Variants in FOCAD observed in about 807,000 individuals in gnomAD.
The protein encoded by FOCAD is KIAA1797.
FOCAD carries 198 observed loss-of-function variants against 225.6 expected under a neutral mutation model. That is an observed-to-expected ratio of 0.88 (90% CI 0.78 to 0.99). The LOEUF (loss-of-function observed/expected upper bound fraction) is 0.99, where lower values mean the gene tolerates loss of function less well. FOCAD is among the 50% of genes least tolerant of loss of function. FOCAD has a pLI of 0.00. For synonymous variants in FOCAD, 897 were observed against 755.0 expected (o/e 1.19, Z -3.08); for missense variants, 2,713 against 2,123.6 (o/e 1.28, Z -5.46).
At chr9:20,845,442 G>GATATATATATATATATATATATATATAT (rs3086547) in intron 15 of FOCAD, among the ~76,000 whole-genome samples, 53 of 121,230 alleles carry the variant, frequency 4.4e-4, no homozygotes, top group South Asian at 5.5e-4. Context: ...TCTTTTCCTC[G>GATATATATATATATATATATATATATAT]ATATATATAT....
Position 20,789,595 on chromosome 9 carries a change from C to G in FOCAD, c.1442C>G (p.Ala481Gly), listed in dbSNP as rs776996995. 6.2e-7 allele frequency: 1 copy of G among 1,613,786 alleles called. No homozygotes were observed. Among genetic ancestry groups the G allele is most frequent in the South Asian group, 1.1e-5 (1 of 91,056 alleles). ...AAGGTCACTACAGAATTAGCCCAAG[C>G]AGATTCCTCCCAGGTAAAGCAAGAG... The part of the protein sequence containing the change: ...ILKVTTELAQ[A>G]DSSQVPNLIP... Residue 481 changes from alanine (A) to glycine (G), a missense_variant, in exon 11 of 44, where the codon GCA becomes GGA. Coordinates refer to ENST00000338382, the MANE Select transcript of FOCAD (RefSeq NM_001375567.1).
chr9:20,977,461 A>T (rs759400196), intron 36 of FOCAD, among the ~76,000 whole-genome samples: 1 of 152,226 alleles, frequency 6.6e-6, no homozygotes, highest in Non-Finnish European at 1.5e-5. Flanking sequence ...AACCTATTTT[A>T]TACAGAATAG....
Position 20,789,598 on chromosome 9 carries a change from A to T in FOCAD, c.1445A>T (p.Asp482Val), listed in dbSNP as rs759663478. ...GTCACTACAGAATTAGCCCAAGCAGATTCCTCCCAGGTAAAGCAAGAGAAT... is the reference window on the plus strand; with the variant it reads ...GTCACTACAGAATTAGCCCAAGCAGTTTCCTCCCAGGTAAAGCAAGAGAAT... ...LKVTTELAQADSSQVPNLIPV... is the reference protein window; with the variant it reads ...LKVTTELAQAVSSQVPNLIPV... Residue 482 changes from aspartate (D) to valine (V), a missense_variant, in exon 11 of 44, where the codon GAT becomes GTT. By Grantham distance (152) the Asp-to-Val change is radical. Transcript: ENST00000338382. 1.2e-6 allele frequency: 2 copies of T among 1,613,918 alleles called. No homozygotes were observed. Among genetic ancestry groups the T allele is most frequent in the Non-Finnish European group, 8.5e-7 (1 of 1,179,870 alleles).
At chr9:20,943,203 A>G (rs1052479542) in intron 28 of FOCAD, among the ~76,000 whole-genome samples, 8 of 152,210 alleles carry the variant, frequency 5.3e-5, no homozygotes, top group African/African-American at 1.4e-4. Context: ...TTAGATGTTG[A>G]TTTAACTGGT....
chr9:20,782,332 G>T (rs1819465308), intron 10 of FOCAD, among the ~76,000 whole-genome samples: 4 of 152,164 alleles, frequency 2.6e-5, no homozygotes, highest in Admixed American at 2.6e-4. Context: ...ATGCCTGGAA[G>T]TTCTCATATC....
intron 39 of FOCAD, 22 bp from the exon 40 acceptor site, chr9:20,986,266 A>ATTTTTGTTTTTT: frequency 1.4e-6 from 1 of 705,686 alleles, no homozygotes; most frequent in Non-Finnish European, 1.8e-6. Context: ...TAACTAAACA[A>ATTTTTGTTTTTT]TTTTTTTTTT....
At chr9:20,746,761 A>C (rs941069628) in intron 5 of FOCAD, among the ~76,000 whole-genome samples, 2 of 152,220 alleles carry the variant, frequency 1.3e-5, no homozygotes, top group Non-Finnish European at 2.9e-5. Flanking sequence ...TGTTGTCTCA[A>C]TAATGTCCTG....
At chr9:20,840,683 TA>T (rs1826435604) in intron 15 of FOCAD, among the ~76,000 whole-genome samples, 1 of 151,882 alleles carries the variant, frequency 6.6e-6, no homozygotes, top group Admixed American at 6.6e-5. Flanking sequence ...CAAAATAAGG[TA>T]ATTTGACTTC....
chr9:20,775,588 T>A (rs1429312034), intron 8 of FOCAD, among the ~76,000 whole-genome samples: 7 of 152,234 alleles, frequency 4.6e-5, no homozygotes, highest in Non-Finnish European at 1.0e-4. Flanking sequence ...ATCTTTGTTT[T>A]GTCTGCTACC....
chr9:20,938,151 C>T (rs1347357083), intron 28 of FOCAD, among the ~76,000 whole-genome samples: 1 of 152,184 alleles, frequency 6.6e-6, no homozygotes, highest in Non-Finnish European at 1.5e-5. Flanking sequence ...ACTAGTTCAA[C>T]CGTTGTGGAA....
intron 21 of FOCAD, chr9:20,885,531 A>G (rs1831036913): frequency 6.0e-6 from 1 of 166,962 alleles, no homozygotes; most frequent in Non-Finnish European, 1.3e-5. Flanking sequence ...TGTTTAAAGA[A>G]ATGCTACTGC....
chr9:20,703,090 G>A (rs1824098418), intron 1 of FOCAD, among the ~76,000 whole-genome samples: 1 of 147,760 alleles, frequency 6.8e-6, no homozygotes, highest in Non-Finnish European at 1.5e-5. Context: ...GCAGAAATAA[G>A]TAAATGACAA....
At chr9:20,801,013 C>T (rs973201641) in intron 11 of FOCAD, among the ~76,000 whole-genome samples, 65 of 152,086 alleles carry the variant, frequency 4.3e-4, no homozygotes, top group Non-Finnish European at 2.2e-4. Context: ...TGGTGAAGTA[C>T]AGATGGGGTT....
At chr9:20,926,955 G>A (rs1225616778) in intron 26 of FOCAD, among the ~76,000 whole-genome samples, 3 of 150,426 alleles carry the variant, frequency 2.0e-5, no homozygotes, top group Admixed American at 1.3e-4. Flanking sequence ...AGAAATATGT[G>A]TGTAAATATT....
Position 20,789,473 on chromosome 9 carries a change from A to C in FOCAD, c.1320A>C (p.Ser440=), listed in dbSNP as rs931766601. The C allele has an allele frequency of 6.2e-7, 1 of 1,613,990 alleles. No homozygotes were observed. Among genetic ancestry groups the C allele is most frequent in the Non-Finnish European group, 8.5e-7 (1 of 1,179,978 alleles). The part of the protein sequence containing the change: ...AASDWLASVE[S]LLPITAVIPA... ...GTGACTGGTTGGCTTCAGTAGAGTC[A>C]TTGCTTCCTATTACTGCTGTGATCC... The change falls in exon 11 of 44, where the codon TCA becomes TCC. Residue 440 remains serine, a synonymous_variant. Transcript: ENST00000338382.
rs764097043 is a variant in FOCAD at position 20,995,552 on chromosome 9, T to C, written c.5333-4T>C. ...GCAGCCATACCTATATTTTGTCCCCTTAGCCACCCTGCTGTCCTTGAGAGT... is the reference window on the plus strand; with the variant it reads ...GCAGCCATACCTATATTTTGTCCCCCTAGCCACCCTGCTGTCCTTGAGAGT... On this transcript the variant is annotated splice_polypyrimidine_tract_variant and splice_region_variant and intron_variant, in intron 43 of 43. Coordinates refer to ENST00000338382, the MANE Select transcript of FOCAD (RefSeq NM_001375567.1). 1.2e-6 allele frequency: 2 copies of C among 1,611,926 alleles called. No homozygotes were observed. The highest frequency in any genetic ancestry group is 3.3e-5 in the Admixed American group (2 of 59,966).
chr9:20,822,948 C>G (rs1425083730), intron 14 of FOCAD, 41 bp from the exon 15 acceptor site: 4 of 1,544,726 alleles, frequency 2.6e-6, no homozygotes, highest in African/African-American at 1.4e-5. Flanking sequence ...GATAACTGCA[C>G]TTTAGCATTA....
At position 20,995,839 on chromosome 9, in the gene FOCAD, C is replaced by G; in HGVS notation, c.*210C>G. ...GTACCCGGGCCAGTTGAGACTGAAA[C>G]AGGAACTTGGATTTTCTTTATTTGG... On this transcript the variant is annotated 3_prime_UTR_variant, in exon 44 of 44. Coordinates refer to ENST00000338382, the MANE Select transcript of FOCAD (RefSeq NM_001375567.1). 3.0e-6 allele frequency: 1 copy of G among 332,856 alleles called. No homozygotes were observed. The highest frequency in any genetic ancestry group is 9.5e-5 in the South Asian group (1 of 10,528). The allele number at this position is 332,856 out of a possible 1,614,324, so 20.6% of individuals were successfully genotyped here.
chr9:20,987,130 C>T (rs112429937), intron 40 of FOCAD, among the ~76,000 whole-genome samples: 22 of 152,272 alleles, frequency 1.4e-4, no homozygotes, highest in African/African-American at 4.6e-4. Flanking sequence ...GAAGCTTGTG[C>T]GACTCTGGAC....
Sources: gnomAD v4.1 joint callset for allele counts (sites outside exome capture counted in the v4.1 genomes callset) on GRCh38, gnomAD v4.1.1 for gene constraint, MANE v1.5 for transcripts, NCBI Gene and HGNC (gene_info 2026-07-23, HGNC 2026-07-21) for gene names.